ARHGAP5: variants seen among roughly 807,000 people sequenced by gnomAD.
ARHGAP5 encodes the protein Rho GTPase activating protein 5, also known as rho GTPase-activating protein 5.
Under a neutral mutation model 116.6 loss-of-function variants are expected in ARHGAP5, and 23 were observed. That is an observed-to-expected ratio of 0.20 (90% CI 0.14 to 0.28). ARHGAP5 has a LOEUF of 0.28. Ranked by LOEUF, ARHGAP5 falls within the 10% of genes least tolerant of loss-of-function variation. The pLI, the probability that ARHGAP5 is intolerant of heterozygous loss-of-function variation, is 1.00. For missense variants in ARHGAP5, 1,405 were observed against 1,774.8 expected (o/e 0.79, Z 3.74); for synonymous variants, 574 against 602.0 (o/e 0.95, Z 0.68).
intron 2 of ARHGAP5, among the ~76,000 whole-genome samples, chr14:32,097,650 C>T (rs8022061): frequency 0.016 from 2,465 of 152,060 alleles, 78 homozygotes; most frequent in African/African-American, 0.056. Flanking sequence ...AGCATGAGTG[C>T]TGGAAAGGAA....
At chr14:32,128,110 A>G (rs1327926991) in intron 3 of ARHGAP5, among the ~76,000 whole-genome samples, 1 of 148,010 alleles carries the variant, frequency 6.8e-6, no homozygotes, top group Non-Finnish European at 1.5e-5. Flanking sequence ...GTCGCTCCCC[A>G]CATCCCAGAT....
At chr14:32,100,489 T>C (rs891026094) in intron 2 of ARHGAP5, among the ~76,000 whole-genome samples, 4 of 152,200 alleles carry the variant, frequency 2.6e-5, no homozygotes, top group African/African-American at 9.7e-5. Flanking sequence ...TGTGCCACCA[T>C]GCCTGGCTTG....
intron 1 of ARHGAP5, among the ~76,000 whole-genome samples, chr14:32,088,979 C>T (rs1309918985): frequency 1.3e-5 from 2 of 151,954 alleles, no homozygotes; most frequent in Non-Finnish European, 3.0e-5. Flanking sequence ...TGTATTTACA[C>T]GTGGTTTCTA....
chr14:32,117,743 A>G (rs566378750), intron 3 of ARHGAP5, among the ~76,000 whole-genome samples: 11 of 152,306 alleles, frequency 7.2e-5, no homozygotes, highest in African/African-American at 2.4e-4. Context: ...TGATGCTACT[A>G]TTTATTCAGT....
At chr14:32,101,773 C>T (rs1290310283) in intron 2 of ARHGAP5, among the ~76,000 whole-genome samples, 1 of 152,000 alleles carries the variant, frequency 6.6e-6, no homozygotes, top group Non-Finnish European at 1.5e-5. Context: ...CACTTGAGGT[C>T]AGGAGTTCAA....
intron 2 of ARHGAP5, among the ~76,000 whole-genome samples, chr14:32,112,675 A>G (rs146273069): frequency 6.6e-6 from 1 of 152,172 alleles, no homozygotes; most frequent in East Asian, 1.9e-4. Context: ...GATCGAGACC[A>G]TCCTGGCTAA....
chr14:32,103,835 A>G (rs375021001), intron 2 of ARHGAP5, among the ~76,000 whole-genome samples: 51 of 152,302 alleles, frequency 3.3e-4, no homozygotes, highest in African/African-American at 1.2e-3. Context: ...CCCAGAGCAT[A>G]GGAGGGTTGC....
chr14:32,116,255 C>T (rs1417914476), intron 2 of ARHGAP5, among the ~76,000 whole-genome samples: 9 of 150,082 alleles, frequency 6.0e-5, no homozygotes, highest in Admixed American at 2.0e-4. Flanking sequence ...CGCCACTGCA[C>T]TCCAGCCTGG....
Position 32,154,829 on chromosome 14 carries a change from C to T in ARHGAP5, c.4390C>T (p.Pro1464Ser). Residue 1464 changes from proline to serine, a missense_variant, in exon 7 of 7, where the codon CCA (proline) becomes TCA (serine). Coordinates refer to ENST00000345122, the MANE Select transcript of ARHGAP5 (RefSeq NM_001030055.2). ...IVETTNIVAPPPPSNPGQLVE... is the reference protein window; with the variant it reads ...IVETTNIVAPSPPSNPGQLVE... Reference sequence around the variant, plus strand: ...AGAAACGACAAACATTGTGGCTCCTCCACCACCTTCAAACCCAGGACAGTT... The same window carrying T: ...AGAAACGACAAACATTGTGGCTCCTTCACCACCTTCAAACCCAGGACAGTT... 1 of 1,614,086 alleles carries T rather than the reference C, an allele frequency of 6.2e-7. No homozygotes were observed. Among genetic ancestry groups the T allele is most frequent in the Middle Eastern group, 1.6e-4 (1 of 6,062 alleles).
chr14:32,078,716 G>C (rs1043558057), intron 1 of ARHGAP5, among the ~76,000 whole-genome samples: 5 of 152,154 alleles, frequency 3.3e-5, no homozygotes, highest in African/African-American at 1.2e-4. Context: ...TCACTTCATG[G>C]GAGCTTGCTC....
At chr14:32,132,684 G>A (rs574557135) in intron 3 of ARHGAP5, among the ~76,000 whole-genome samples, 43 of 148,374 alleles carry the variant, frequency 2.9e-4, no homozygotes, top group African/African-American at 8.7e-4. Flanking sequence ...GCATGGTAAT[G>A]CCTAGGTTTT....
chr14:32,084,989 A>G (rs1048853449), intron 1 of ARHGAP5, among the ~76,000 whole-genome samples: 7 of 151,878 alleles, frequency 4.6e-5, no homozygotes, highest in Non-Finnish European at 8.8e-5. Context: ...AGAATGGGTG[A>G]CAGTGACACC....
intron 2 of ARHGAP5, among the ~76,000 whole-genome samples, chr14:32,110,425 G>A (rs1161014583): frequency 6.6e-6 from 1 of 151,920 alleles, no homozygotes; most frequent in Non-Finnish European, 1.5e-5. Context: ...CTCCCAAGTA[G>A]CTGGGATTGG....
intron 2 of ARHGAP5, among the ~76,000 whole-genome samples, chr14:32,103,048 C>G (rs1878860361): frequency 6.6e-6 from 1 of 152,182 alleles, no homozygotes; most frequent in African/African-American, 2.4e-5. Flanking sequence ...TTTACTTAGG[C>G]TTTCTTCAGT....
chr14:32,079,844 T>G (rs568897829), intron 1 of ARHGAP5, among the ~76,000 whole-genome samples: 4 of 152,172 alleles, frequency 2.6e-5, no homozygotes, highest in Non-Finnish European at 4.4e-5. Flanking sequence ...TTGGGTTGTA[T>G]GGTCCACAGT....
chr14:32,078,141 A>C (rs980613090), intron 1 of ARHGAP5: 16 of 151,152 alleles, frequency 1.1e-4, no homozygotes, highest in African/African-American at 3.4e-4. Flanking sequence ...CTTTCCACTA[A>C]AGAAAAGTAT....
intron 3 of ARHGAP5, among the ~76,000 whole-genome samples, chr14:32,137,621 A>T (rs1318694825): frequency 6.6e-6 from 1 of 152,124 alleles, no homozygotes; most frequent in Non-Finnish European, 1.5e-5. Flanking sequence ...TTAGGTTTTG[A>T]TAAAAATTGC....
rs144558229 is a variant in ARHGAP5, at chr14:32,135,461, T to A, written c.3866-10802T>A. 8.3e-3 allele frequency among the ~76,000 whole-genome samples: 1,265 copies of A among 152,328 alleles called. 11 individuals carry two copies. Among genetic ancestry groups the A allele is most frequent in the African/African-American group, 0.023 (940 of 41,572 alleles). On this transcript the variant is annotated intron_variant, in intron 3 of 6. Transcript: ENST00000345122. ...TGTTTGAGGTGGAGTCTCCCTCTGT[T>A]GCCCAGGCAAGAGCACAGTGGCGTG...
intron 2 of ARHGAP5, among the ~76,000 whole-genome samples, chr14:32,107,515 G>A (rs548613889): frequency 1.3e-5 from 2 of 152,160 alleles, no homozygotes; most frequent in African/African-American, 4.8e-5. Flanking sequence ...ACCATGTGCT[G>A]TATATATTGT....
Sources: allele counts gnomAD v4.1 joint callset (sites outside exome capture counted in the v4.1 genomes callset), GRCh38; gene constraint gnomAD v4.1.1; transcripts MANE v1.5; gene names NCBI Gene and HGNC (gene_info 2026-07-23, HGNC 2026-07-21).